NR1H2: variants seen among roughly 807,000 people sequenced by gnomAD.
NR1H2 encodes oxysterols receptor LXR-beta.
In NR1H2, 33 loss-of-function variants were observed where a neutral mutation model predicts 51.2. The ratio of observed to expected loss-of-function variants is 0.64; its 90% CI spans 0.49 to 0.86. The LOEUF (loss-of-function observed/expected upper bound fraction) is 0.86. Among genes scored for constraint, NR1H2 ranks in the 40% least tolerant of loss-of-function variants. The pLI is 0.00. For synonymous variants in NR1H2, 310 were observed against 264.3 expected (o/e 1.17, Z -1.68); for missense variants, 592 against 639.9 (o/e 0.93, Z 0.81).
chr19:50,381,929 G>A (rs770034082), intron 8 of NR1H2, 37 bp from the exon 9 acceptor site: 86 of 1,519,992 alleles, frequency 5.7e-5, no homozygotes, highest in Admixed American at 2.8e-4. Flanking sequence ...GCACGGTTTC[G>A]GGCTGAGGGA....
Position 50,380,176 on chromosome 19 carries a change from T to C in NR1H2, c.1027+297T>C, listed in dbSNP as rs566355270. ...GTGTCTCTATTTTTTAAAAAAAGCATGTATTGAGTGCCGACTCTGTACATT... is the reference window on the plus strand; with the variant it reads ...GTGTCTCTATTTTTTAAAAAAAGCACGTATTGAGTGCCGACTCTGTACATT... On this transcript the variant is annotated intron_variant, in intron 8 of 9. Coordinates refer to ENST00000253727, the MANE Select transcript of NR1H2 (RefSeq NM_007121.7). Among the ~76,000 whole-genome samples the C allele has an allele frequency of 2.6e-5, 4 of 152,232 alleles. No individual in the cohort carries two copies. In the East Asian group the frequency reaches 5.8e-4, roughly 22 times the overall value.
At position 50,377,637 on chromosome 19, in the gene NR1H2, C is replaced by A. The variant is rs759343489; in HGVS notation, c.32C>A (p.Thr11Asn). Residue 11 changes from threonine (T) to asparagine (N), a missense_variant, in exon 3 of 10, where the codon ACC (threonine) becomes AAC (asparagine). This residue lies in a region of NR1H2 where 316 missense variants were observed against 313.4 expected (regional missense o/e 1.01). Coordinates refer to ENST00000253727, the MANE Select transcript of NR1H2 (RefSeq NM_007121.7). MSSPTTSSLD[T>N]PLPGNGPPQP... ...TCTCCTACCACGAGTTCCCTGGATA[C>A]CCCCCTGCCTGGTGAGTGACTCTCT... 1.2e-5 allele frequency: 19 copies of A among 1,613,286 alleles called. No homozygotes were observed. The highest frequency in any genetic ancestry group is 1.4e-5 in the Non-Finnish European group (17 of 1,179,484).
chr19:50,381,441 G>A (rs972521108), intron 8 of NR1H2, among the ~76,000 whole-genome samples: 1 of 152,236 alleles, frequency 6.6e-6, no homozygotes, highest in South Asian at 2.1e-4. Context: ...CCTCTGACAG[G>A]CTGGGCCTCT....
In NR1H2 at chr19:50,379,886, C is replaced by T. The variant is rs769978744; in HGVS notation, c.1027+7C>T. Reference sequence around the variant, plus strand: ...GACGACTTCCACCGTGCAGGTAGGGCCCAGGGGAGGCTTCGGGGAGGCTTG... The same window carrying T: ...GACGACTTCCACCGTGCAGGTAGGGTCCAGGGGAGGCTTCGGGGAGGCTTG... On this transcript the variant is annotated splice_region_variant and intron_variant, in intron 8 of 9. Transcript: ENST00000253727. The T allele has an allele frequency of 2.5e-6, 4 of 1,601,426 alleles. No individual in the cohort carries two copies. In the East Asian group the frequency reaches 8.9e-5, roughly 36 times the overall value.
intron 9 of NR1H2, 118 bp from the exon 10 acceptor site, chr19:50,382,338 G>C (rs1177146072): frequency 7.1e-7 from 1 of 1,400,752 alleles, no homozygotes. Flanking sequence ...GCACAGAGGC[G>C]GGCCCCACGC....
chr19:50,378,973 G>C (rs1463876469), intron 6 of NR1H2, 29 bp from the exon 7 acceptor site: 3 of 1,584,270 alleles, frequency 1.9e-6, no homozygotes, highest in Non-Finnish European at 2.6e-6. Flanking sequence ...ACAAAGACCT[G>C]GGAGTGACCC....
At chr19:50,377,900 G>A (rs1444621502) in intron 4 of NR1H2, 30 bp downstream of exon 4, 13 of 1,520,776 alleles carry the variant, frequency 8.5e-6, no homozygotes, top group Non-Finnish European at 7.9e-6. Context: ...TTGATGTGGG[G>A]GCTTGGGGAG....
rs969767108 is a variant in NR1H2 at position 50,378,081 on chromosome 19, G to A, written c.182-68G>A. 9 of 1,521,864 alleles carry A rather than the reference G, an allele frequency of 5.9e-6. No homozygotes were observed. The African/African-American group carries it at 1.1e-4, about 19-fold the overall frequency. The allele number at this position is 1,521,864 out of a possible 1,614,324, so 94.3% of individuals were successfully genotyped here. A position where few individuals can be genotyped will look rare whatever the true frequency, so the allele number is the denominator to read the frequency against. On this transcript the variant is annotated intron_variant, in intron 4 of 9. Transcript: ENST00000253727. Reference sequence around the variant, plus strand: ...CTGGCTCTTTGCCTGGGGATCTCCTGTGGGCCCATCTCTCTGGTTCCTGTT... The same window carrying A: ...CTGGCTCTTTGCCTGGGGATCTCCTATGGGCCCATCTCTCTGGTTCCTGTT...
At chr19:50,378,489 T>TG in intron 5 of NR1H2, 33 bp from the exon 6 acceptor site, 1 of 1,587,362 alleles carries the variant, frequency 6.3e-7, no homozygotes, top group Non-Finnish European at 8.6e-7. Context: ...CGCCTAGCCC[T>TG]GGGGTTCTGC....
rs1471670252 is a variant in NR1H2, at chr19:50,379,821, A to G, written c.969A>G (p.Thr323=). ...CAGCCAGGCGCTACAACCACGAGAC[A>G]GAGTGTATCACCTTCTTGAAGGACT... ...LETARRYNHE[T]ECITFLKDFT... is the part of the protein sequence containing the mutation. Residue 323 remains threonine (T), a synonymous_variant, in exon 8 of 10, where the codon ACA becomes ACG. Transcript: ENST00000253727. The G allele has an allele frequency of 4.3e-6, 7 of 1,613,970 alleles. No individual in the cohort carries two copies. Among genetic ancestry groups the G allele is most frequent in the Admixed American group, 3.3e-5 (2 of 59,996 alleles).
chr19:50,380,032 C>G (rs1265602382), intron 8 of NR1H2, among the ~76,000 whole-genome samples, 153 bp downstream of exon 8: 1 of 152,132 alleles, frequency 6.6e-6, no homozygotes, highest in Non-Finnish European at 1.5e-5. Flanking sequence ...GTGCATGTGC[C>G]ACGTGTGGTG....
chr19:50,377,250 T>TG (rs940701447), intron 2 of NR1H2: 1 of 255,330 alleles, frequency 3.9e-6, no homozygotes. Flanking sequence ...GAAGAGGAGG[T>TG]GGGGGGAAAC....
chr19:50,382,116 C>T lies in NR1H2; in HGVS notation c.1178C>T (p.Ala393Val), dbSNP rs778953881. Reference sequence around the variant, plus strand: ...GTGCAGGAGCCGGGCCGCGTGGAGGCGTTGCAGCAGCCCTACGTGGAGGCG... The same window carrying T: ...GTGCAGGAGCCGGGCCGCGTGGAGGTGTTGCAGCAGCCCTACGTGGAGGCG... ...PNVQEPGRVE[A>V]LQQPYVEALL... The change falls in exon 9 of 10, where the codon GCG becomes GTG. Residue 393 changes from alanine (A) to valine (V), a missense_variant. Physicochemically the swap from Ala to Val is moderately conservative, Grantham distance 64. Around this residue, in one of 3 missense-constraint regions of NR1H2, gnomAD observed 174 missense variants for 174.0 expected, o/e 1.00. Coordinates refer to ENST00000253727, the MANE Select transcript of NR1H2 (RefSeq NM_007121.7). 61 of 1,545,464 alleles carry T rather than the reference C, an allele frequency of 3.9e-5. No individual in the cohort carries two copies. In the Middle Eastern group the frequency reaches 6.7e-4, roughly 17 times the overall value.
rs1052677 is a variant in NR1H2 at position 50,382,924 on chromosome 19, C to T, written c.*322C>T. On this transcript the variant is annotated 3_prime_UTR_variant, in exon 10 of 10. Coordinates refer to ENST00000253727, the MANE Select transcript of NR1H2 (RefSeq NM_007121.7). ...GGACCCATGGCTCTCCCCCCTAGCC[C>T]GGGAGACCAGGGCCTTCCTCTTCCT... 6.3e-6 allele frequency: 1 copy of T among 158,476 alleles called. No individual in the cohort carries two copies. Among genetic ancestry groups the T allele is most frequent in the East Asian group, 8.2e-5 (1 of 12,266 alleles). 9.8% of individuals were successfully genotyped at this position (158,476 alleles called of 1,614,324 possible).
At chr19:50,381,523 G>A (rs1351100585) in intron 8 of NR1H2, among the ~76,000 whole-genome samples, 1 of 152,220 alleles carries the variant, frequency 6.6e-6, no homozygotes, top group East Asian at 1.9e-4. Context: ...CACGTGGCAG[G>A]TACTCAGTGA....
At position 50,383,001 on chromosome 19, in the gene NR1H2, A is replaced by C. The variant is rs185710178; in HGVS notation, c.*399A>C. 7.5e-5 allele frequency: 12 copies of C among 159,010 alleles called. No individual in the cohort carries two copies. The highest frequency in any genetic ancestry group is 5.7e-4 in the Admixed American group (9 of 15,912). The allele number at this position is 159,010 out of a possible 1,614,324, so 9.8% of individuals were successfully genotyped here. ...ACAGAAACAGGAAAATAAAATATGA[A>C]TACAATCCAGCCCGGAGCTGGAGTG... is the stretch of plus-strand genomic sequence containing the variant. On this transcript the variant is annotated 3_prime_UTR_variant, in exon 10 of 10. Coordinates refer to ENST00000253727, the MANE Select transcript of NR1H2 (RefSeq NM_007121.7).
In NR1H2 at chr19:50,382,739, G is replaced by GC; in HGVS notation, c.*141dup. The GC allele has an allele frequency of 1.1e-6, 1 of 939,372 alleles. No individual in the cohort carries two copies. The highest frequency in any genetic ancestry group is 1.5e-6 in the Non-Finnish European group (1 of 650,742). 58.2% of individuals were successfully genotyped at this position (939,372 alleles called of 1,614,324 possible). ...TATCGGCTCTCATCCCTTGGGATAA[G>GC]CCCCAGTCCAGGTCCAGGAGGCTCC... On this transcript the variant is annotated 3_prime_UTR_variant, in exon 10 of 10. Coordinates refer to ENST00000253727, the MANE Select transcript of NR1H2 (RefSeq NM_007121.7).
At chr19:50,379,925 C>A in intron 8 of NR1H2, 46 bp downstream of exon 8, 1 of 1,261,708 alleles carries the variant, frequency 7.9e-7, no homozygotes, top group Non-Finnish European at 1.2e-6. Context: ...CCCCTGCTGG[C>A]TGGAAGACCT....
intron 7 of NR1H2, among the ~76,000 whole-genome samples, 167 bp from the exon 8 acceptor site, chr19:50,379,613 C>T (rs2037732622): frequency 6.6e-6 from 1 of 152,042 alleles, no homozygotes; most frequent in Non-Finnish European, 1.5e-5. Flanking sequence ...AGAAAGAGCT[C>T]GGGCTGTCTC....
Sources: gnomAD v4.1 joint callset for allele counts (sites outside exome capture counted in the v4.1 genomes callset) on GRCh38, gnomAD v4.1.1 for gene constraint, gnomAD v4.1.1 regional missense constraint, MANE v1.5 for transcripts, NCBI Gene and HGNC (gene_info 2026-07-23, HGNC 2026-07-21) for gene names.